The following FGF13 variants were observed in gnomAD, a reference collection of about 807,000 sequenced individuals.
FGF13 encodes fibroblast growth factor 13.
Under a neutral mutation model 19.5 loss-of-function variants are expected in FGF13, and 2 were observed. The ratio of observed to expected loss-of-function variants is 0.10; its 90% CI spans 0.04 to 0.32. The LOEUF (loss-of-function observed/expected upper bound fraction) is 0.32, where lower values mean the gene tolerates loss of function less well. FGF13 is among the 10% of genes least tolerant of loss of function. The pLI, the probability that FGF13 is intolerant of heterozygous loss-of-function variation, is 1.00. For synonymous variants in FGF13, 72 were observed against 76.9 expected (o/e 0.94, Z 0.33); for missense variants, 113 against 192.7 (o/e 0.59, Z 2.45).
At chrX:138,983,414 T>TTATATATGTATATATA (rs2091972308) in intron 1 of FGF13, among the ~76,000 whole-genome samples, 1 of 81,196 alleles carries the variant, frequency 1.2e-5, no homozygotes, top group Non-Finnish European at 2.4e-5. Context: ...TAAGTTGATC[T>TTATATATGTATATATA]TATATATATA....
At chrX:138,723,921 G>T (rs1215024746) in intron 1 of FGF13, among the ~76,000 whole-genome samples, 1 of 111,556 alleles carries the variant, frequency 9.0e-6, no homozygotes, top group East Asian at 2.8e-4. Flanking sequence ...CTCCTATGAG[G>T]TAGGGTGTTT....
At chrX:138,710,519 C>T (rs2090034840) in intron 1 of FGF13, among the ~76,000 whole-genome samples, 2 of 111,889 alleles carry the variant, frequency 1.8e-5, no homozygotes, top group South Asian at 7.5e-4. Context: ...TGGGTCACGC[C>T]TGCCCAGAGC....
chrX:139,001,195 TAA>T (rs2092071517), intron 1 of FGF13, among the ~76,000 whole-genome samples: 1 of 111,929 alleles, frequency 8.9e-6, no homozygotes, highest in African/African-American at 3.3e-5. Flanking sequence ...CCAGATGGAT[TAA>T]AGACTTAACT....
At chrX:138,945,037 T>C (rs1181258394) in intron 1 of FGF13, among the ~76,000 whole-genome samples, 1 of 109,566 alleles carries the variant, frequency 9.1e-6, no homozygotes, top group African/African-American at 3.3e-5. Context: ...TTCTTCTTGG[T>C]GGTAGAAGGA....
intron 3 of FGF13, among the ~76,000 whole-genome samples, chrX:138,828,600 G>GT (rs1321998910): frequency 2.7e-5 from 3 of 110,360 alleles, no homozygotes; most frequent in Non-Finnish European, 5.7e-5. Flanking sequence ...CTCCATTAAG[G>GT]TAAAACAGCA....
chrX:138,930,914 C>T (rs1173524173), intron 1 of FGF13, among the ~76,000 whole-genome samples: 2 of 112,270 alleles, frequency 1.8e-5, no homozygotes, highest in East Asian at 5.6e-4. Flanking sequence ...GAGGTACACA[C>T]GTATCCTACA....
intron 1 of FGF13, among the ~76,000 whole-genome samples, chrX:139,159,276 G>A (rs1167426700): frequency 8.9e-6 from 1 of 111,845 alleles, no homozygotes; most frequent in Non-Finnish European, 1.9e-5. Context: ...ACAGCCAAAT[G>A]CTGAGAGATT....
intron 1 of FGF13, among the ~76,000 whole-genome samples, chrX:139,005,425 C>G (rs377316431): frequency 2.7e-4 from 30 of 110,844 alleles, no homozygotes; most frequent in South Asian, 2.3e-3. Flanking sequence ...TACTTAAGTC[C>G]TTTTGAATAC....
At chrX:138,749,644 T>C (rs2090383351) in intron 3 of FGF13, among the ~76,000 whole-genome samples, 1 of 111,239 alleles carries the variant, frequency 9.0e-6, no homozygotes, top group Non-Finnish European at 1.9e-5. Flanking sequence ...TGGGACAGTC[T>C]AGCACAGTTT....
chrX:138,874,216 T>C (rs1278953712), intron 1 of FGF13, among the ~76,000 whole-genome samples: 2 of 106,689 alleles, frequency 1.9e-5, no homozygotes, highest in African/African-American at 3.4e-5. Flanking sequence ...CCAATTCTCA[T>C]ACTAAGGACA....
intron 3 of FGF13, among the ~76,000 whole-genome samples, chrX:138,688,013 TG>T (rs1170163117): frequency 9.3e-6 from 1 of 106,963 alleles, no homozygotes; most frequent in Non-Finnish European, 1.9e-5. Context: ...GTGCAGTGAG[TG>T]GCACGATGTC....
intron 1 of FGF13, among the ~76,000 whole-genome samples, chrX:139,063,414 C>A (rs1379272866): frequency 1.8e-5 from 2 of 111,084 alleles, no homozygotes; most frequent in Non-Finnish European, 3.8e-5. Context: ...GTTAGGACGG[C>A]AATTATAATG....
chrX:139,084,506 G>A (rs188171975), intron 1 of FGF13, among the ~76,000 whole-genome samples: 4 of 111,430 alleles, frequency 3.6e-5, no homozygotes, highest in Admixed American at 1.9e-4. Flanking sequence ...CTTTGCATTC[G>A]CCTGTTTAGC....
At chrX:138,696,499 T>A (rs891266602) in intron 3 of FGF13, among the ~76,000 whole-genome samples, 4 of 111,864 alleles carry the variant, frequency 3.6e-5, no homozygotes, top group African/African-American at 1.3e-4. Context: ...GAACTATATC[T>A]CATTCAAGCT....
intron 1 of FGF13, among the ~76,000 whole-genome samples, chrX:139,066,313 A>G (rs1181402171): frequency 9.0e-6 from 1 of 111,592 alleles, no homozygotes; most frequent in African/African-American, 3.3e-5. Context: ...GAGAAGAAAT[A>G]ACTAAGATCA....
chrX:139,197,993 C>CAA (rs57335781), intron 1 of FGF13, among the ~76,000 whole-genome samples: 169 of 22,713 alleles, frequency 7.4e-3, no homozygotes, highest in Non-Finnish European at 8.7e-3. Context: ...GACCCTACCT[C>CAA]AAAAAAAAAA....
At position 139,085,542 on chromosome X, in the gene FGF13, A is replaced by T. The variant is rs1225010744; in HGVS notation, c.-113+117874T>A. On this transcript the variant is annotated intron_variant, in intron 1 of 2. Transcript: ENST00000421460. ...AGAGCCACCCAAAGTGTGTTTGCAA[A>T]ATAGGTGACTCTAATGTGAGCAGCT... 1.8e-5 allele frequency among the ~76,000 whole-genome samples: 2 copies of T among 112,194 alleles called. 1 individual carries two copies. The highest frequency in any genetic ancestry group is 6.5e-5 in the African/African-American group (2 of 30,895).
intron 3 of FGF13, among the ~76,000 whole-genome samples, chrX:138,748,990 T>C (rs1371026586): frequency 1.8e-5 from 2 of 111,688 alleles, no homozygotes; most frequent in Non-Finnish European, 3.8e-5. Flanking sequence ...TGCTTGGCTA[T>C]AGGAGGTTGC....
chrX:138,776,936 C>A (rs1161891586), intron 3 of FGF13, among the ~76,000 whole-genome samples: 2 of 111,680 alleles, frequency 1.8e-5, no homozygotes, highest in Non-Finnish European at 1.9e-5. Flanking sequence ...GGGAATAATG[C>A]AAGCAACAAC....
Sources: allele counts gnomAD v4.1 joint callset (sites outside exome capture counted in the v4.1 genomes callset), GRCh38; gene constraint gnomAD v4.1.1; transcripts MANE v1.5; gene names NCBI Gene and HGNC (gene_info 2026-07-23, HGNC 2026-07-21).